Variants in NFE2L3 observed in about 807,000 individuals in gnomAD.
NFE2L3 encodes NFE2 like bZIP transcription factor 3, also known as nuclear factor erythroid 2-related factor 3.
Under a neutral mutation model 23.5 loss-of-function variants are expected in NFE2L3, and 18 were observed. The ratio of observed to expected loss-of-function variants is 0.77; its 90% CI spans 0.53 to 1.13. The LOEUF (loss-of-function observed/expected upper bound fraction) is 1.13, where lower values mean the gene tolerates loss of function less well. Ranked by LOEUF, NFE2L3 falls within the 50% of genes most tolerant of loss-of-function variation. The pLI, the probability that NFE2L3 is intolerant of heterozygous loss-of-function variation, is 0.00. For missense variants in NFE2L3, 1,152 were observed against 877.2 expected (o/e 1.31, Z -3.96); for synonymous variants, 424 against 354.5 (o/e 1.20, Z -2.20).
chr7:26,153,127 G>T, intron 1 of NFE2L3, 59 bp downstream of exon 1: 1 of 1,457,136 alleles, frequency 6.9e-7, no homozygotes. Context: ...GAGCCCCCGA[G>T]GCTTGTGTCG....
intron 1 of NFE2L3, among the ~76,000 whole-genome samples, chr7:26,156,477 G>C (rs1446732935): frequency 6.6e-6 from 1 of 152,074 alleles, no homozygotes; most frequent in Non-Finnish European, 1.5e-5. Context: ...GTACTGTTTT[G>C]GTTTCACTTC....
At chr7:26,172,276 AAATAT>A (rs1379404924) in intron 1 of NFE2L3, among the ~76,000 whole-genome samples, 1 of 152,214 alleles carries the variant, frequency 6.6e-6, no homozygotes, top group Admixed American at 6.5e-5. Context: ...CCTTTTAGCT[AAATAT>A]AATTTCAAAC....
chr7:26,183,949 T>G, intron 3 of NFE2L3, 165 bp downstream of exon 3: 2 of 555,328 alleles, frequency 3.6e-6, no homozygotes, highest in Non-Finnish European at 6.4e-6. Flanking sequence ...GCATTCCTCT[T>G]TCCAAATAAT....
intron 1 of NFE2L3, 68 bp downstream of exon 1, chr7:26,153,136 C>T (rs1784026185): frequency 4.2e-6 from 6 of 1,430,040 alleles, no homozygotes; most frequent in African/African-American, 3.0e-5. Flanking sequence ...AGGCTTGTGT[C>T]GGATCTGAGC....
chr7:26,185,083 A>G lies in NFE2L3; in HGVS notation c.1385A>G (p.Glu462Gly). The part of the protein sequence containing the change: ...DHESSSHHDL[E>G]GAVGGYYPEP... ...GAATCTAGTTCCCATCATGACTTAG[A>G]AGGTGCTGTAGGTGGCTACTACCCA... Residue 462 changes from glutamate (E) to glycine (G), a missense_variant, in exon 4 of 4, where the codon GAA (glutamate) becomes GGA (glycine). By Grantham distance (98) the Glu-to-Gly change is moderately conservative (BLOSUM62 -2). Transcript: ENST00000056233. 4 of 1,613,872 alleles carry G rather than the reference A, an allele frequency of 2.5e-6. No individual in the cohort carries two copies. The highest frequency in any genetic ancestry group is 2.2e-5 in the South Asian group (2 of 91,030).
At position 26,187,128 on chromosome 7, in the gene NFE2L3, T is replaced by C. The variant is rs1471185252; in HGVS notation, c.*1345T>C. ...ATAAAGTTTCCCAAGACCTGTTATT[T>C]TGCCAGAAATGCTTCTAGTATGCTT... On this transcript the variant is annotated 3_prime_UTR_variant, in exon 4 of 4. Coordinates refer to ENST00000056233, the MANE Select transcript of NFE2L3 (RefSeq NM_004289.7). 1 of 152,236 alleles carries C rather than the reference T, an allele frequency of 6.6e-6. No individual in the cohort carries two copies. Among genetic ancestry groups the C allele is most frequent in the African/African-American group, 2.4e-5 (1 of 41,458 alleles). The allele number at this position is 152,236 out of a possible 1,614,324, so 9.4% of individuals were successfully genotyped here. A position where few individuals can be genotyped will look rare whatever the true frequency, so the allele number is the denominator to read the frequency against.
intron 3 of NFE2L3, chr7:26,183,986 A>G (rs73281529): frequency 0.031 from 16,082 of 525,364 alleles, 286 homozygotes; most frequent in Middle Eastern, 0.056. Context: ...AATTTAGACT[A>G]GTCATGGAAA....
At position 26,185,965 on chromosome 7, in the gene NFE2L3, G is replaced by A. The variant is rs1192945459; in HGVS notation, c.*182G>A. 3.7e-6 allele frequency: 2 copies of A among 536,176 alleles called. No individual in the cohort carries two copies. The highest frequency in any genetic ancestry group is 3.1e-5 in the East Asian group (1 of 31,902). The allele number at this position is 536,176 out of a possible 1,614,324, so 33.2% of individuals were successfully genotyped here. A position where few individuals can be genotyped will look rare whatever the true frequency, so the allele number is the denominator to read the frequency against. On this transcript the variant is annotated 3_prime_UTR_variant, in exon 4 of 4. Transcript: ENST00000056233. ...TGTTTAGGACTTCAAGATCACACTT[G>A]TGGGCAATCTGGGGGAGCCACAACT...
At chr7:26,181,531 C>T (rs1287980528) in intron 2 of NFE2L3, among the ~76,000 whole-genome samples, 1 of 152,112 alleles carries the variant, frequency 6.6e-6, no homozygotes, top group Non-Finnish European at 1.5e-5. Context: ...TGCACACTAC[C>T]ATCACCATCA....
chr7:26,153,116 G>A (rs774570341), intron 1 of NFE2L3, 48 bp downstream of exon 1: 57 of 1,483,368 alleles, frequency 3.8e-5, no homozygotes, highest in African/African-American at 1.4e-5. Flanking sequence ...TACGCCGCCG[G>A]GAGCCCCCGA....
At chr7:26,162,579 G>T (rs1784189295) in intron 1 of NFE2L3, among the ~76,000 whole-genome samples, 1 of 152,086 alleles carries the variant, frequency 6.6e-6, no homozygotes, top group African/African-American at 2.4e-5. Context: ...AATCATAAAT[G>T]ATACTCTTTA....
At position 26,152,489 on chromosome 7, in the gene NFE2L3, C is replaced by G; in HGVS notation, c.-10C>G. On this transcript the variant is annotated 5_prime_UTR_variant, in exon 1 of 4. Coordinates refer to ENST00000056233, the MANE Select transcript of NFE2L3 (RefSeq NM_004289.7). This position sits in a 1 kb window ranked among gnomAD's most constrained non-coding sequence, Gnocchi z 4.4. ...GCGCCGGCAGGGGCGTTCCCGGGCG[C>G]GCGGCGGCGATGAAGCACCTGAAGC... The G allele has an allele frequency of 7.6e-7, 1 of 1,307,602 alleles. No individual in the cohort carries two copies. Among genetic ancestry groups the G allele is most frequent in the Non-Finnish European group, 9.7e-7 (1 of 1,029,996 alleles). 81.0% of individuals were successfully genotyped at this position (1,307,602 alleles called of 1,614,324 possible).
chr7:26,152,965 A>AC lies in NFE2L3; in HGVS notation c.472dup (p.Arg158ProfsTer48). The AC allele has an allele frequency of 6.7e-7, 1 of 1,485,820 alleles. No individual in the cohort carries two copies. The highest frequency in any genetic ancestry group is 2.9e-5 in the East Asian group (1 of 34,802). 92.0% of individuals were successfully genotyped at this position (1,485,820 alleles called of 1,614,324 possible). A position where few individuals can be genotyped will look rare whatever the true frequency, so the allele number is the denominator to read the frequency against. On this transcript the variant is annotated frameshift_variant, in exon 1 of 4. Coordinates refer to ENST00000056233, the MANE Select transcript of NFE2L3 (RefSeq NM_004289.7). LOFTEE classifies it high-confidence loss of function. The surrounding 1 kb of genome is among the most constrained non-coding windows in gnomAD (Gnocchi z 4.4). ...CAGGCTGTGCAGGGGGGCGGCGGGG[A>AC]CCCCCGAGCGGCTCGGAGTGGCCCC...
At chr7:26,178,215 C>G in intron 2 of NFE2L3, 93 bp downstream of exon 2, 1 of 1,026,868 alleles carries the variant, frequency 9.7e-7, no homozygotes, top group Non-Finnish European at 1.4e-6. Context: ...GCATGTAAAA[C>G]AGTATGCTCT....
At position 26,177,686 on chromosome 7, in the gene NFE2L3, TA is replaced by T. The variant is rs1784439692; in HGVS notation, c.571-255del. On this transcript the variant is annotated intron_variant, in intron 1 of 3. Coordinates refer to ENST00000056233, the MANE Select transcript of NFE2L3 (RefSeq NM_004289.7). ...TGCTGGCAACATTAATTTCCAAATCTAATCTAACTCATGAGTATTTTAAATT... is the reference window on the plus strand; with the variant it reads ...TGCTGGCAACATTAATTTCCAAATCTATCTAACTCATGAGTATTTTAAATT... Among the ~76,000 whole-genome samples, 4 of 152,346 alleles carry T rather than the reference TA, an allele frequency of 2.6e-5. 1 individual carries two copies. The South Asian group carries it at 8.3e-4, about 32-fold the overall frequency.
intron 1 of NFE2L3, among the ~76,000 whole-genome samples, chr7:26,176,363 G>A (rs556621096): frequency 6.6e-6 from 1 of 152,276 alleles, no homozygotes; most frequent in South Asian, 2.1e-4. Flanking sequence ...CATTCTCGAT[G>A]GTCACTGTCT....
intron 1 of NFE2L3, among the ~76,000 whole-genome samples, chr7:26,157,061 G>A (rs560709121): frequency 6.6e-6 from 1 of 151,878 alleles, no homozygotes; most frequent in Non-Finnish European, 1.5e-5. Context: ...GCAGTGAGCC[G>A]AGATCGCTCT....
intron 2 of NFE2L3, among the ~76,000 whole-genome samples, chr7:26,183,151 T>G (rs1038728995): frequency 5.9e-5 from 9 of 152,258 alleles, no homozygotes; most frequent in African/African-American, 2.2e-4. Flanking sequence ...AAGCTGAAAC[T>G]AACAATTAGC....
Position 26,184,630 on chromosome 7 carries a change from A to G in NFE2L3, c.932A>G (p.Gln311Arg), listed in dbSNP as rs148235978. Reference protein sequence around the residue: ...YHVNFSQAISQDVNLHEAILL... With the variant: ...YHVNFSQAISRDVNLHEAILL... ...GTAAACTTCAGCCAGGCTATAAGTC[A>G]GGATGTGAATCTTCATGAGGCCATC... Residue 311 changes from glutamine (Q) to arginine (R), a missense_variant, in exon 4 of 4, where the codon CAG (glutamine) becomes CGG (arginine). Gln to Arg is a conservative substitution (Grantham distance 43, BLOSUM62 1). Coordinates refer to ENST00000056233, the MANE Select transcript of NFE2L3 (RefSeq NM_004289.7). 5.6e-3 allele frequency: 8,986 copies of G among 1,613,964 alleles called. 23 individuals are homozygous for G. Among genetic ancestry groups the G allele is most frequent in the Non-Finnish European group, 7.2e-3 (8,464 of 1,179,840 alleles).
Sources: gnomAD v4.1 joint callset for allele counts (sites outside exome capture counted in the v4.1 genomes callset) on GRCh38, gnomAD v4.1.1 for gene constraint, Gnocchi (gnomAD v3.1) non-coding constraint, MANE v1.5 for transcripts, NCBI Gene and HGNC (gene_info 2026-07-23, HGNC 2026-07-21) for gene names.